The following POMC variants were observed in gnomAD, a reference collection of about 807,000 sequenced individuals.
POMC encodes the protein pro-opiomelanocortin.
A neutral mutation model predicts 18.5 loss-of-function variants in POMC; 19 were observed. That is an observed-to-expected ratio of 1.03 (90% CI 0.72 to 1.51). The LOEUF is 1.51. Ranked by LOEUF, POMC falls within the 40% of genes most tolerant of loss-of-function variation. The pLI is 0.00. For synonymous variants in POMC, 179 were observed against 161.9 expected (o/e 1.11, Z -0.80); for missense variants, 451 against 379.0 (o/e 1.19, Z -1.58).
intron 1 of POMC, among the ~76,000 whole-genome samples, chr2:25,165,480 T>C (rs1484356258): frequency 1.3e-5 from 2 of 152,208 alleles, no homozygotes; most frequent in Admixed American, 6.5e-5. Flanking sequence ...AGAGCTTCGT[T>C]TTTAAAGCAG....
chr2:25,166,735 A>C (rs1671569584), intron 1 of POMC, among the ~76,000 whole-genome samples: 1 of 152,172 alleles, frequency 6.6e-6, no homozygotes, highest in African/African-American at 2.4e-5. Context: ...CAGAGCTTAT[A>C]TTCTGTTGCT....
chr2:25,162,217 G>A (rs1314708410), intron 2 of POMC, among the ~76,000 whole-genome samples: 4 of 152,188 alleles, frequency 2.6e-5, no homozygotes, highest in Non-Finnish European at 5.9e-5. Context: ...GGGAGGCCAA[G>A]GCAGGCAGAT....
At position 25,161,747 on chromosome 2, in the gene POMC, G is replaced by A. The variant is rs1461001186; in HGVS notation, c.138C>T (p.Cys46=). The A allele has an allele frequency of 8.2e-6, 13 of 1,592,854 alleles. No individual in the cohort carries two copies. Among genetic ancestry groups the A allele is most frequent in the African/African-American group, 1.3e-5 (1 of 74,258 alleles). ...DLTTESNLLE[C]IRACKPDLSA... ...AGAGGTCGGGCTTGCAGGCCCGGATGCACTCCTGGGGGAAGACGCGAGGGC... is the reference window on the plus strand; with the variant it reads ...AGAGGTCGGGCTTGCAGGCCCGGATACACTCCTGGGGGAAGACGCGAGGGC... Residue 46 remains cysteine (C), a synonymous_variant, in exon 3 of 3, where the codon TGC becomes TGT. Coordinates refer to ENST00000395826, the MANE Select transcript of POMC (RefSeq NM_000939.4). This position sits in a 1 kb window ranked among gnomAD's most constrained non-coding sequence, Gnocchi z 5.7.
In POMC at chr2:25,168,169, A is replaced by AAAAAG. The variant is rs57770222; in HGVS notation, c.-21+328_-21+329insCTTTT. ...AACTCCGTCTCAAAAAAAAAAAAAA[A>AAAAAG]GACCGGGTTGTCCCAAGACCTCCTA... On this transcript the variant is annotated intron_variant, in intron 1 of 2. Coordinates refer to ENST00000395826, the MANE Select transcript of POMC (RefSeq NM_000939.4). This position sits in a 1 kb window ranked among gnomAD's most constrained non-coding sequence, Gnocchi z 5.2. Among the ~76,000 whole-genome samples the AAAAAG allele has an allele frequency of 6.6e-6, 1 of 150,882 alleles. No homozygotes were observed. The highest frequency in any genetic ancestry group is 6.6e-5 in the Admixed American group (1 of 15,194).
chr2:25,165,636 C>T (rs535397453), intron 1 of POMC: 2 of 152,294 alleles, frequency 1.3e-5, no homozygotes, highest in South Asian at 4.1e-4. Flanking sequence ...AGGGAATTAC[C>T]TCCTGGTGGA....
At position 25,161,856 on chromosome 2, in the gene POMC, C is replaced by A; in HGVS notation, c.133-104G>T. On this transcript the variant is annotated intron_variant, in intron 2 of 2. Coordinates refer to ENST00000395826, the MANE Select transcript of POMC (RefSeq NM_000939.4). The surrounding 1 kb of genome is among the most constrained non-coding windows in gnomAD (Gnocchi z 5.7). ...GGCCCTGGCCGCCCTCGCCACGTGC[C>A]GAGGACACAGGGCACAGTGTCGGGC... The A allele has an allele frequency of 1.4e-6, 2 of 1,454,852 alleles. No individual in the cohort carries two copies. Among genetic ancestry groups the A allele is most frequent in the South Asian group, 1.4e-5 (1 of 70,850 alleles). The allele number at this position is 1,454,852 out of a possible 1,614,324, so 90.1% of individuals were successfully genotyped here.
Position 25,161,593 on chromosome 2 carries a change from T to TGCTGCC in POMC, c.286_291dup (p.Gly96_Ser97dup), listed in dbSNP as rs1671377987. ...TCCTCGCGCTTCTGCCCTGCGCCGCTGCTGCCGCTGCTGCTGCTGTTGCGG... is the reference window on the plus strand; with the variant it reads ...TCCTCGCGCTTCTGCCCTGCGCCGCTGCTGCCGCTGCCGCTGCTGCTGCTGTTGCGG... On this transcript the variant is annotated inframe_insertion, in exon 3 of 3. Transcript: ENST00000395826. This position sits in a 1 kb window ranked among gnomAD's most constrained non-coding sequence, Gnocchi z 5.7. The TGCTGCC allele has an allele frequency of 3.9e-6, 6 of 1,556,324 alleles. No individual in the cohort carries two copies. The highest frequency in any genetic ancestry group is 5.2e-6 in the Non-Finnish European group (6 of 1,150,082).
chr2:25,162,364 C>T (rs920103399), intron 2 of POMC, among the ~76,000 whole-genome samples: 3 of 152,080 alleles, frequency 2.0e-5, no homozygotes, highest in Admixed American at 6.5e-5. Flanking sequence ...GCAGGAGAAC[C>T]GCTTGAACCT....
In POMC at chr2:25,166,094, C is replaced by T. The variant is rs765883025; in HGVS notation, c.-20-1302G>A. 9.2e-5 allele frequency among the ~76,000 whole-genome samples: 14 copies of T among 152,208 alleles called. No individual in the cohort carries two copies. The South Asian group carries it at 1.0e-3, about 11-fold the overall frequency. Reference sequence around the variant, plus strand: ...CTTTGGAAGTGAAAGTCCTCTGAAGCGCTGATTTCTACTTCAGGAGGCCAC... The same window carrying T: ...CTTTGGAAGTGAAAGTCCTCTGAAGTGCTGATTTCTACTTCAGGAGGCCAC... On this transcript the variant is annotated intron_variant, in intron 1 of 2. Transcript: ENST00000395826.
Position 25,161,891 on chromosome 2 carries a change from G to C in POMC, c.133-139C>G. On this transcript the variant is annotated intron_variant, in intron 2 of 2. Coordinates refer to ENST00000395826, the MANE Select transcript of POMC (RefSeq NM_000939.4). This position sits in a 1 kb window ranked among gnomAD's most constrained non-coding sequence, Gnocchi z 5.7. Reference sequence around the variant, plus strand: ...GGGCACAGTGTCGGGCGTGTCAAGCGTCGAGGCCTCCCTACAGAGCAGGTC... The same window carrying C: ...GGGCACAGTGTCGGGCGTGTCAAGCCTCGAGGCCTCCCTACAGAGCAGGTC... 1 of 1,391,310 alleles carries C rather than the reference G, an allele frequency of 7.2e-7. No individual in the cohort carries two copies. Among genetic ancestry groups the C allele is most frequent in the Non-Finnish European group, 9.4e-7 (1 of 1,064,554 alleles). 86.2% of individuals were successfully genotyped at this position (1,391,310 alleles called of 1,614,324 possible).
At position 25,161,897 on chromosome 2, in the gene POMC, G is replaced by T; in HGVS notation, c.133-145C>A. The T allele has an allele frequency of 1.5e-6, 2 of 1,374,770 alleles. No homozygotes were observed. Among genetic ancestry groups the T allele is most frequent in the African/African-American group, 1.5e-5 (1 of 66,490 alleles). The allele number at this position is 1,374,770 out of a possible 1,614,324, so 85.2% of individuals were successfully genotyped here. ...AGTGTCGGGCGTGTCAAGCGTCGAG[G>T]CCTCCCTACAGAGCAGGTCTGCCCA... is the stretch of plus-strand genomic sequence containing the variant. On this transcript the variant is annotated intron_variant, in intron 2 of 2. Transcript: ENST00000395826. The surrounding 1 kb of genome is among the most constrained non-coding windows in gnomAD (Gnocchi z 5.7).
intron 2 of POMC, 37 bp downstream of exon 2, chr2:25,164,604 A>G (rs373955826): frequency 5.6e-6 from 9 of 1,613,770 alleles, no homozygotes; most frequent in Middle Eastern, 1.7e-4. Flanking sequence ...AGTCCCATCT[A>G]ATGTCTAAGC....
chr2:25,164,311 T>C (rs1329480884), intron 2 of POMC, among the ~76,000 whole-genome samples: 2 of 152,146 alleles, frequency 1.3e-5, no homozygotes, highest in Non-Finnish European at 2.9e-5. Context: ...AAGCTAAAGA[T>C]TTAAAGTACA....
Position 25,161,822 on chromosome 2 carries a change from C to G in POMC, c.133-70G>C. 3 of 1,510,518 alleles carry G rather than the reference C, an allele frequency of 2.0e-6. No individual in the cohort carries two copies. Among genetic ancestry groups the G allele is most frequent in the Non-Finnish European group, 2.6e-6 (3 of 1,132,702 alleles). 93.6% of individuals were successfully genotyped at this position (1,510,518 alleles called of 1,614,324 possible). On this transcript the variant is annotated intron_variant, in intron 2 of 2. Coordinates refer to ENST00000395826, the MANE Select transcript of POMC (RefSeq NM_000939.4). This position sits in a 1 kb window ranked among gnomAD's most constrained non-coding sequence, Gnocchi z 5.7. ...CCCGGCCCGGCTGCCGCGCCCGTCA[C>G]TGCGCCTAGGCCCTGGCCGCCCTCG...
chr2:25,165,595 G>A (rs1034929966), intron 1 of POMC: 1 of 152,214 alleles, frequency 6.6e-6, no homozygotes, highest in Non-Finnish European at 1.5e-5. Flanking sequence ...GATTTGAAGA[G>A]GATGCAGATG....
intron 2 of POMC, among the ~76,000 whole-genome samples, chr2:25,162,690 T>TA (rs1671433182): frequency 6.6e-6 from 1 of 151,732 alleles, no homozygotes. Context: ...GCCTGGGTGA[T>TA]AGAGCGAGAC....
At chr2:25,164,976 G>C (rs966619730) in intron 1 of POMC, among the ~76,000 whole-genome samples, 184 bp from the exon 2 acceptor site, 1 of 35,184 alleles carries the variant, frequency 2.8e-5, no homozygotes, top group Admixed American at 3.7e-4. Flanking sequence ...GTTGTGATAA[G>C]GAGGAGGGAA....
chr2:25,167,220 A>G (rs1279298856), intron 1 of POMC, among the ~76,000 whole-genome samples: 5 of 152,180 alleles, frequency 3.3e-5, no homozygotes, highest in African/African-American at 1.2e-4. Flanking sequence ...AAAAGCATCA[A>G]AGGAACAGTA....
rs1671633480 is a variant in POMC, at chr2:25,168,417, C to T, written c.-21+81G>A. 1 of 152,220 alleles carries T rather than the reference C, an allele frequency of 6.6e-6. No homozygotes were observed. Among genetic ancestry groups the T allele is most frequent in the Admixed American group, 6.5e-5 (1 of 15,286 alleles). The allele number at this position is 152,220 out of a possible 1,614,324, so 9.4% of individuals were successfully genotyped here. A position where few individuals can be genotyped will look rare whatever the true frequency, so the allele number is the denominator to read the frequency against. On this transcript the variant is annotated intron_variant, in intron 1 of 2. Transcript: ENST00000395826. This position sits in a 1 kb window ranked among gnomAD's most constrained non-coding sequence, Gnocchi z 5.2. ...AGGCGCCCAGGTCCGCCTTCGGAGC[C>T]GGAGCCGGCCGACTGCATCGCGAGG...
Sources: allele counts gnomAD v4.1 joint callset (sites outside exome capture counted in the v4.1 genomes callset), GRCh38; gene constraint gnomAD v4.1.1; non-coding constraint Gnocchi (gnomAD v3.1); transcripts MANE v1.5; gene names NCBI Gene and HGNC (gene_info 2026-07-23, HGNC 2026-07-21).